SLC1A1: variants seen among roughly 807,000 people sequenced by gnomAD.
SLC1A1 encodes the protein solute carrier family 1 member 1.
SLC1A1 carries 43 observed loss-of-function variants against 53.3 expected under a neutral mutation model. The ratio of observed to expected loss-of-function variants is 0.81; its 90% CI spans 0.63 to 1.04. The LOEUF (loss-of-function observed/expected upper bound fraction) is 1.04, where lower values mean the gene tolerates loss of function less well. SLC1A1 is among the 50% of genes least tolerant of loss of function. SLC1A1 has a pLI of 0.00. For synonymous variants in SLC1A1, 307 were observed against 243.2 expected, an observed-to-expected ratio of 1.26 and a Z score of -2.44; for missense variants, 748 against 664.9, an observed-to-expected ratio of 1.12 and a Z score of -1.37.
intron 10 of SLC1A1, among the ~76,000 whole-genome samples, chr9:4,580,601 A>ATATGTG (rs556150232): frequency 1.4e-5 from 1 of 69,692 alleles, no homozygotes; most frequent in East Asian, 3.4e-4. Flanking sequence ...AAAAATATAT[A>ATATGTG]TGTGTGTGTG....
chr9:4,535,860 G>C (rs1162131073), intron 1 of SLC1A1, among the ~76,000 whole-genome samples: 4 of 152,034 alleles, frequency 2.6e-5, no homozygotes, highest in Admixed American at 6.5e-5. Flanking sequence ...CCAAAACAGA[G>C]ATATAGACCA....
At chr9:4,494,370 A>T (rs1346058384) in intron 1 of SLC1A1, among the ~76,000 whole-genome samples, 1 of 152,182 alleles carries the variant, frequency 6.6e-6, no homozygotes, top group Non-Finnish European at 1.5e-5. Flanking sequence ...TTCAGCACTC[A>T]ATAGTTGTTA....
At chr9:4,547,485 T>C (rs1817587178) in intron 2 of SLC1A1, among the ~76,000 whole-genome samples, 1 of 152,204 alleles carries the variant, frequency 6.6e-6, no homozygotes, top group East Asian at 1.9e-4. Flanking sequence ...GGCATATCCA[T>C]GTTTTAAATT....
At chr9:4,502,829 C>T (rs1293618331) in intron 1 of SLC1A1, among the ~76,000 whole-genome samples, 3 of 151,794 alleles carry the variant, frequency 2.0e-5, no homozygotes, top group Admixed American at 2.0e-4. Flanking sequence ...CTATTCTCCT[C>T]CTTCTTGCTT....
chr9:4,546,214 C>G (rs1817481030), intron 2 of SLC1A1, among the ~76,000 whole-genome samples: 1 of 152,140 alleles, frequency 6.6e-6, no homozygotes, highest in Non-Finnish European at 1.5e-5. Flanking sequence ...ATGTTCTCGG[C>G]TTATGAGAAA....
intron 1 of SLC1A1, among the ~76,000 whole-genome samples, chr9:4,498,455 T>G (rs1048396336): frequency 6.6e-6 from 1 of 152,138 alleles, no homozygotes; most frequent in Non-Finnish European, 1.5e-5. Flanking sequence ...AAATAATAGT[T>G]TCTTCAAAAT....
chr9:4,501,926 T>A (rs1820644750), intron 1 of SLC1A1, among the ~76,000 whole-genome samples: 1 of 151,770 alleles, frequency 6.6e-6, no homozygotes, highest in Non-Finnish European at 1.5e-5. Context: ...CAGTAAGGAA[T>A]TAAGTCAACA....
Position 4,585,412 on chromosome 9 carries a change from T to A in SLC1A1, c.1429T>A (p.Ser477Thr). The A allele has an allele frequency of 6.2e-7, 1 of 1,614,224 alleles. No individual in the cohort carries two copies. The highest frequency in any genetic ancestry group is 2.2e-5 in the East Asian group (1 of 44,890). ...KKELEQMDVS[S>T]EVNIVNPFAL... ...GGAGCTGGAGCAGATGGATGTTTCA[T>A]CTGAAGTCAACATTGTGAATCCCTT... is the stretch of plus-strand genomic sequence containing the variant. Residue 477 changes from serine to threonine, a missense_variant, in exon 12 of 12, where the codon TCT (serine) becomes ACT (threonine). Ser to Thr is a moderately conservative substitution (Grantham distance 58). Transcript: ENST00000262352.
chr9:4,516,659 A>C (rs751933584), intron 1 of SLC1A1, among the ~76,000 whole-genome samples: 2 of 152,174 alleles, frequency 1.3e-5, no homozygotes, highest in African/African-American at 2.4e-5. Context: ...CATTCTACAC[A>C]TTTTAACCAG....
rs1157106118 is a variant in SLC1A1, at chr9:4,490,635, C to T, written c.-45C>T. On this transcript the variant is annotated 5_prime_UTR_variant, in exon 1 of 12. Transcript: ENST00000262352. ...GCCAGCAGTCCCCGGGTCGCCCAGC[C>T]CACGCGCGCACGGCCGAGCCCAGCG... 6.5e-7 allele frequency: 1 copy of T among 1,546,816 alleles called. No individual in the cohort carries two copies. The highest frequency in any genetic ancestry group is 8.9e-7 in the Non-Finnish European group (1 of 1,123,234).
chr9:4,576,243 C>A, intron 9 of SLC1A1, 120 bp downstream of exon 9: 1 of 963,200 alleles, frequency 1.0e-6, no homozygotes, highest in South Asian at 1.3e-5. Context: ...AAATGACCTC[C>A]GTATTCTCGG....
At position 4,585,358 on chromosome 9, in the gene SLC1A1, A is replaced by G; in HGVS notation, c.1375A>G (p.Thr459Ala). The G allele has an allele frequency of 6.2e-7, 1 of 1,614,104 alleles. No homozygotes were observed. Among genetic ancestry groups the G allele is most frequent in the Non-Finnish European group, 8.5e-7 (1 of 1,180,010 alleles). Residue 459 changes from threonine (T) to alanine (A), a missense_variant, in exon 12 of 12, where the codon ACG (threonine) becomes GCG (alanine). Transcript: ENST00000262352. ...MVNVLGDAFG[T>A]GIVEKLSKKE... ...CAACGTCCTTGGTGATGCTTTTGGG[A>G]CGGGCATTGTGGAAAAGCTCTCCAA...
At chr9:4,581,571 C>A (rs968568123) in intron 10 of SLC1A1, among the ~76,000 whole-genome samples, 1 of 152,188 alleles carries the variant, frequency 6.6e-6, no homozygotes, top group African/African-American at 2.4e-5. Flanking sequence ...CAAGAGGGAT[C>A]AGCTGGCATG....
At chr9:4,567,977 C>T (rs1003871544) in intron 6 of SLC1A1, among the ~76,000 whole-genome samples, 71 of 152,254 alleles carry the variant, frequency 4.7e-4, no homozygotes, top group African/African-American at 1.7e-3. Flanking sequence ...TTTGAGTCAC[C>T]CGACAGGCAC....
intron 1 of SLC1A1, among the ~76,000 whole-genome samples, chr9:4,538,852 C>A (rs1816779696): frequency 6.6e-6 from 1 of 152,118 alleles, no homozygotes; most frequent in African/African-American, 2.4e-5. Flanking sequence ...GTCTATTTAT[C>A]CACTGAATGC....
In SLC1A1 at chr9:4,585,738, G is replaced by C; in HGVS notation, c.*180G>C. ...CTTTGCGCTCTGGGTTTTGGGATTT[G>C]GGTGTGGGGTAAGTTGAAGGGAAAT... is the stretch of plus-strand genomic sequence containing the variant. On this transcript the variant is annotated 3_prime_UTR_variant, in exon 12 of 12. Coordinates refer to ENST00000262352, the MANE Select transcript of SLC1A1 (RefSeq NM_004170.6). The C allele has an allele frequency of 9.7e-6, 7 of 723,414 alleles. No homozygotes were observed. In the South Asian group the frequency reaches 1.3e-4, roughly 13 times the overall value. 44.8% of individuals were successfully genotyped at this position (723,414 alleles called of 1,614,324 possible).
chr9:4,523,836 A>T (rs1816168412), intron 1 of SLC1A1, among the ~76,000 whole-genome samples: 1 of 152,174 alleles, frequency 6.6e-6, no homozygotes, highest in South Asian at 2.1e-4. Flanking sequence ...TCCCATTGTT[A>T]TAGGTGAGGA....
intron 6 of SLC1A1, 82 bp downstream of exon 6, chr9:4,567,849 T>A (rs1028224289): frequency 2.4e-5 from 22 of 918,406 alleles, no homozygotes; most frequent in Non-Finnish European, 3.4e-5. Context: ...TCAATCCTCG[T>A]CATTCACAGA....
At chr9:4,491,990 T>A (rs536149087) in intron 1 of SLC1A1, among the ~76,000 whole-genome samples, 3 of 152,326 alleles carry the variant, frequency 2.0e-5, no homozygotes, top group African/African-American at 2.4e-5. Context: ...TGGGGTCAGA[T>A]TGGATTCTCC....
Sources: allele counts gnomAD v4.1 joint callset (sites outside exome capture counted in the v4.1 genomes callset), GRCh38; gene constraint gnomAD v4.1.1; transcripts MANE v1.5; gene names NCBI Gene and HGNC (gene_info 2026-07-23, HGNC 2026-07-21).